CHCHD6: variants seen among roughly 807,000 people sequenced by gnomAD.
CHCHD6 encodes MICOS complex subunit MIC25.
A neutral mutation model predicts 32.3 loss-of-function variants in CHCHD6; 28 were observed. The observed-to-expected ratio is 0.87, with a 90% CI of 0.64 to 1.19. CHCHD6 has a LOEUF of 1.19. CHCHD6 is among the 50% of genes most tolerant of loss of function. The probability of loss-of-function intolerance (pLI) is 0.00; values close to 1 mark genes in which losing one functional copy is unlikely to be tolerated. For synonymous variants in CHCHD6, 122 were observed against 117.5 expected (o/e 1.04, Z -0.25); for missense variants, 333 against 307.0 (o/e 1.08, Z -0.63).
At chr3:126,863,359 A>G (rs1311223596) in intron 5 of CHCHD6, among the ~76,000 whole-genome samples, 1 of 101,982 alleles carries the variant, frequency 9.8e-6, no homozygotes, top group Non-Finnish European at 1.9e-5. Flanking sequence ...CTCCTCTACC[A>G]TCACCACCTC....
rs548800721 is a variant in CHCHD6, at chr3:126,952,992, G to C, written c.567-4424G>C. 32 of 985,466 alleles carry C rather than the reference G, an allele frequency of 3.2e-5. No individual in the cohort carries two copies. The African/African-American group carries it at 5.6e-4, about 17-fold the overall frequency. 61.0% of individuals were successfully genotyped at this position (985,466 alleles called of 1,614,324 possible). ...GAGGCTGGATGTGGGGTCTTCTGTG[G>C]TCCTATTTACTGAATGCCAATGATT... On this transcript the variant is annotated intron_variant, in intron 6 of 7. Coordinates refer to ENST00000290913, the MANE Select transcript of CHCHD6 (RefSeq NM_032343.3).
At chr3:126,881,357 C>T (rs1184754866) in intron 5 of CHCHD6, among the ~76,000 whole-genome samples, 1 of 152,208 alleles carries the variant, frequency 6.6e-6, no homozygotes, top group Non-Finnish European at 1.5e-5. Context: ...TCCCCCAGTG[C>T]TGAGTGGTTT....
chr3:126,734,893 C>T lies in CHCHD6; in HGVS notation c.411+1671C>T, dbSNP rs80104967. On this transcript the variant is annotated intron_variant, in intron 4 of 7. Transcript: ENST00000290913. ...AGTTAACCCTCAAAGTAGCCCGCAT[C>T]GATCCTGAAACAGTCAATGGTTCCT... Among the ~76,000 whole-genome samples the T allele has an allele frequency of 5.2e-3, 796 of 152,266 alleles. 9 individuals are homozygous for T. Among genetic ancestry groups the T allele is most frequent in the African/African-American group, 0.018 (761 of 41,546 alleles).
chr3:126,819,780 G>A (rs1193360028), intron 4 of CHCHD6, among the ~76,000 whole-genome samples: 1 of 152,278 alleles, frequency 6.6e-6, no homozygotes, highest in East Asian at 1.9e-4. Flanking sequence ...AAGCCCTGGA[G>A]TCACTGTGGC....
chr3:126,743,701 G>C (rs1174679306), intron 4 of CHCHD6, among the ~76,000 whole-genome samples: 2 of 152,180 alleles, frequency 1.3e-5, no homozygotes, highest in Non-Finnish European at 2.9e-5. Flanking sequence ...CAGAGCAGCA[G>C]GGTTCCTTGA....
chr3:126,762,785 CT>C (rs1469987057), intron 4 of CHCHD6, among the ~76,000 whole-genome samples: 2 of 152,110 alleles, frequency 1.3e-5, no homozygotes, highest in East Asian at 1.9e-4. Context: ...GATATATCTT[CT>C]TGATGAATTG....
intron 5 of CHCHD6, among the ~76,000 whole-genome samples, chr3:126,862,755 C>T (rs1941986268): frequency 2.1e-5 from 1 of 46,528 alleles, no homozygotes; most frequent in African/African-American, 1.0e-4. Flanking sequence ...TCACCACCTC[C>T]TCCTCCACCA....
At chr3:126,735,125 A>G (rs1366266113) in intron 4 of CHCHD6, among the ~76,000 whole-genome samples, 10 of 152,100 alleles carry the variant, frequency 6.6e-5, no homozygotes, top group Admixed American at 6.5e-5. Flanking sequence ...TATCCTGGAG[A>G]TGACGCGTTA....
chr3:126,773,583 T>A (rs1043038231), intron 4 of CHCHD6, among the ~76,000 whole-genome samples: 1 of 151,868 alleles, frequency 6.6e-6, no homozygotes, highest in African/African-American at 2.4e-5. Flanking sequence ...GAAAGTTGGT[T>A]CTGACAGTTT....
rs150896128 is a variant in CHCHD6, at chr3:126,769,514, A to C, written c.411+36292A>C. On this transcript the variant is annotated intron_variant, in intron 4 of 7. Transcript: ENST00000290913. Reference sequence around the variant, plus strand: ...GCTATTTGGGCTCTTTTTTTCTTTCATTTTTTTGAGATGGAGTCTCACTCT... The same window carrying C: ...GCTATTTGGGCTCTTTTTTTCTTTCCTTTTTTTGAGATGGAGTCTCACTCT... 9.7e-3 allele frequency among the ~76,000 whole-genome samples: 1,462 copies of C among 151,168 alleles called. 23 individuals carry two copies. The highest frequency in any genetic ancestry group is 0.034 in the African/African-American group (1,396 of 41,168).
intron 4 of CHCHD6, among the ~76,000 whole-genome samples, chr3:126,740,232 G>C (rs1426398357): frequency 1.3e-5 from 2 of 152,062 alleles, no homozygotes; most frequent in African/African-American, 4.8e-5. Flanking sequence ...GTCCTTCCTT[G>C]TCCCTCCTGC....
At chr3:126,751,503 C>CAAAAAAA in intron 4 of CHCHD6, among the ~76,000 whole-genome samples, 1 of 71,752 alleles carries the variant, frequency 1.4e-5, no homozygotes, top group Non-Finnish European at 2.9e-5. Context: ...GACCCTGTCT[C>CAAAAAAA]AAAAAAAAAA....
chr3:126,849,911 C>G (rs977591669), intron 4 of CHCHD6, among the ~76,000 whole-genome samples: 1 of 152,198 alleles, frequency 6.6e-6, no homozygotes, highest in Admixed American at 6.5e-5. Flanking sequence ...CTGCGTGCTG[C>G]GTGGCCTCTC....
chr3:126,861,971 C>A (rs1345389139), intron 5 of CHCHD6, among the ~76,000 whole-genome samples: 1 of 75,814 alleles, frequency 1.3e-5, no homozygotes, highest in Non-Finnish European at 2.9e-5. Flanking sequence ...ACTTCCCCCT[C>A]CTCCACCATC....
chr3:126,893,434 G>A (rs1291165997), intron 5 of CHCHD6, among the ~76,000 whole-genome samples: 3 of 152,212 alleles, frequency 2.0e-5, no homozygotes, highest in African/African-American at 7.2e-5. Context: ...GGAATTGGCG[G>A]CCTTGCCACC....
At chr3:126,833,794 G>A (rs905979902) in intron 4 of CHCHD6, among the ~76,000 whole-genome samples, 3 of 152,100 alleles carry the variant, frequency 2.0e-5, no homozygotes, top group Non-Finnish European at 2.9e-5. Context: ...GGTGGCTCAC[G>A]CCTGTAATCC....
intron 6 of CHCHD6, among the ~76,000 whole-genome samples, chr3:126,916,332 C>T (rs528165343): frequency 6.7e-6 from 1 of 149,616 alleles, no homozygotes; most frequent in Non-Finnish European, 1.5e-5. Context: ...ACCTGGGAGG[C>T]GGAGGTTGCA....
chr3:126,817,513 C>T (rs760766074), intron 4 of CHCHD6, among the ~76,000 whole-genome samples: 1 of 152,226 alleles, frequency 6.6e-6, no homozygotes, highest in African/African-American at 2.4e-5. Context: ...CTGCAAGTGC[C>T]TGCTCTGATG....
intron 1 of CHCHD6, among the ~76,000 whole-genome samples, chr3:126,721,322 G>A (rs1935279599): frequency 6.6e-6 from 1 of 152,194 alleles, no homozygotes. Flanking sequence ...CAGGCGCACG[G>A]TCTCTTCCTG....
Sources: allele counts gnomAD v4.1 joint callset (sites outside exome capture counted in the v4.1 genomes callset), GRCh38; gene constraint gnomAD v4.1.1; transcripts MANE v1.5; gene names NCBI Gene and HGNC (gene_info 2026-07-23, HGNC 2026-07-21).